The following ADAM32 variants were observed in gnomAD, a reference collection of about 807,000 sequenced individuals.
ADAM32 encodes disintegrin and metalloproteinase domain-containing protein 32.
In ADAM32, 89 loss-of-function variants were observed where a neutral mutation model predicts 114.9. The observed-to-expected ratio is 0.77, with a 90% CI of 0.65 to 0.92. The LOEUF is 0.92. Among genes scored for constraint, ADAM32 ranks in the 40% least tolerant of loss-of-function variants. The pLI, the probability that ADAM32 is intolerant of heterozygous loss-of-function variation, is 0.00. For synonymous variants in ADAM32, 285 were observed against 307.5 expected, an observed-to-expected ratio of 0.93 and a Z score of 0.77; for missense variants, 870 against 932.8, an observed-to-expected ratio of 0.93 and a Z score of 0.88.
chr8:39,210,822 T>G (rs1241478134), intron 11 of ADAM32, among the ~76,000 whole-genome samples: 2 of 152,202 alleles, frequency 1.3e-5, no homozygotes, highest in Non-Finnish European at 2.9e-5. Flanking sequence ...CTAATTTTTA[T>G]TTGAAGTGAT....
At chr8:39,216,782 A>G (rs774116275) in intron 12 of ADAM32, among the ~76,000 whole-genome samples, 1 of 151,338 alleles carries the variant, frequency 6.6e-6, no homozygotes, top group Non-Finnish European at 1.5e-5. Flanking sequence ...TGTTTTTTCT[A>G]TTTATATATA....
chr8:39,222,616 G>A (rs186141760), intron 13 of ADAM32, among the ~76,000 whole-genome samples: 1 of 152,160 alleles, frequency 6.6e-6, no homozygotes, highest in Non-Finnish European at 1.5e-5. Flanking sequence ...TCCCTCTGCA[G>A]TTTTTTATGT....
Position 39,223,164 on chromosome 8 carries a change from A to C in ADAM32, c.1451A>C (p.Lys484Thr). The C allele has an allele frequency of 6.2e-7, 1 of 1,601,160 alleles. No individual in the cohort carries two copies. Among genetic ancestry groups the C allele is most frequent in the South Asian group, 1.1e-5 (1 of 88,550 alleles). The change falls in exon 14 of 25, where the codon AAA becomes ACA. Residue 484 changes from lysine (K) to threonine (T), a missense_variant. By Grantham distance (78) the Lys-to-Thr change is moderately conservative (BLOSUM62 -1). Transcript: ENST00000379907. ...ACTTTAATCAATGGACTTTCATGCA[A>C]AAATAATAAGTTTATTTGTTATGAC... is the stretch of plus-strand genomic sequence containing the variant. The part of the protein sequence containing the change: ...DITLINGLSC[K>T]NNKFICYDGD...
intron 1 of ADAM32, among the ~76,000 whole-genome samples, chr8:39,109,575 A>C (rs1840069096): frequency 6.6e-6 from 1 of 152,196 alleles, no homozygotes; most frequent in South Asian, 2.1e-4. Flanking sequence ...AAAAATATTA[A>C]TGAACATTAT....
At chr8:39,210,560 C>A (rs1808139014) in intron 11 of ADAM32, among the ~76,000 whole-genome samples, 1 of 152,096 alleles carries the variant, frequency 6.6e-6, no homozygotes, top group African/African-American at 2.4e-5. Flanking sequence ...ATGTGCACAG[C>A]CAAATCAGTA....
intron 19 of ADAM32, among the ~76,000 whole-genome samples, chr8:39,261,213 C>G (rs966205400): frequency 3.9e-5 from 6 of 152,040 alleles, no homozygotes; most frequent in African/African-American, 1.4e-4. Flanking sequence ...TTTCCTTATC[C>G]CTCCCTTCCC....
At chr8:39,274,828 G>C (rs1383004596) in intron 21 of ADAM32, among the ~76,000 whole-genome samples, 1 of 152,186 alleles carries the variant, frequency 6.6e-6, no homozygotes, top group Non-Finnish European at 1.5e-5. Context: ...TGGTGATGCT[G>C]GTGTAAACAA....
chr8:39,147,470 A>G (rs949822252), intron 4 of ADAM32, among the ~76,000 whole-genome samples: 2 of 152,020 alleles, frequency 1.3e-5, no homozygotes, highest in African/African-American at 4.8e-5. Context: ...TGTTTGTAAG[A>G]ATATAAATTA....
intron 10 of ADAM32, among the ~76,000 whole-genome samples, chr8:39,180,405 C>A (rs1805789596): frequency 6.6e-6 from 1 of 152,256 alleles, no homozygotes; most frequent in South Asian, 2.1e-4. Flanking sequence ...CCCGCCTCAG[C>A]CTCCCCTGCC....
chr8:39,251,385 A>T (rs909699549), intron 17 of ADAM32, among the ~76,000 whole-genome samples: 4 of 151,684 alleles, frequency 2.6e-5, no homozygotes, highest in Admixed American at 6.6e-5. Flanking sequence ...TTACAAAAAA[A>T]AAATGGCTTT....
intron 19 of ADAM32, among the ~76,000 whole-genome samples, chr8:39,261,364 G>T (rs562179173): frequency 6.6e-6 from 1 of 152,230 alleles, no homozygotes; most frequent in African/African-American, 2.4e-5. Context: ...ACATACTTCA[G>T]TTGCATCTGT....
intron 1 of ADAM32, among the ~76,000 whole-genome samples, chr8:39,114,910 C>A (rs939291524): frequency 6.6e-6 from 1 of 152,146 alleles, no homozygotes; most frequent in African/African-American, 2.4e-5. Context: ...CTATTGTGCC[C>A]CTCTTTGCAT....
chr8:39,122,681 A>G (rs1302939754), intron 2 of ADAM32, among the ~76,000 whole-genome samples: 1 of 152,158 alleles, frequency 6.6e-6, no homozygotes, highest in East Asian at 1.9e-4. Context: ...GGTTCAAGCA[A>G]TTCTCATGCA....
chr8:39,128,622 T>G (rs1446450363), intron 2 of ADAM32, among the ~76,000 whole-genome samples: 2 of 152,214 alleles, frequency 1.3e-5, no homozygotes. Flanking sequence ...CACTGGTCTG[T>G]GTACTTCAGT....
chr8:39,259,841 A>G (rs1030057564), intron 19 of ADAM32, among the ~76,000 whole-genome samples: 25 of 152,210 alleles, frequency 1.6e-4, no homozygotes, highest in African/African-American at 5.3e-4. Context: ...TCCATTGATA[A>G]CATCTTACAT....
intron 17 of ADAM32, among the ~76,000 whole-genome samples, chr8:39,252,691 GA>G (rs1342711407): frequency 1.3e-5 from 2 of 151,166 alleles, no homozygotes; most frequent in African/African-American, 2.4e-5. Context: ...AAAATAGCAA[GA>G]AAAAAAGAAA....
intron 20 of ADAM32, 50 bp downstream of exon 20, chr8:39,270,964 T>A: frequency 6.6e-7 from 1 of 1,524,676 alleles, no homozygotes; most frequent in Non-Finnish European, 8.9e-7. Context: ...AATTAAGAGT[T>A]AATTGATAAT....
At chr8:39,213,050 A>T (rs1159114434) in intron 12 of ADAM32, among the ~76,000 whole-genome samples, 2 of 152,152 alleles carry the variant, frequency 1.3e-5, no homozygotes, top group Admixed American at 6.6e-5. Flanking sequence ...ACAAATAATA[A>T]TTGTGTATAT....
rs748243649 is a variant in ADAM32, at chr8:39,274,311, G to C, written c.2202-1G>C. 1.9e-5 allele frequency: 31 copies of C among 1,612,696 alleles called. No homozygotes were observed. Among genetic ancestry groups the C allele is most frequent in the South Asian group, 1.8e-4 (16 of 90,804 alleles). On this transcript the variant is annotated splice_acceptor_variant, in intron 20 of 24. Transcript: ENST00000379907. LOFTEE classifies it high-confidence loss of function. ...AGACATTGCTTTCAATTTTTTTTTA[G>C]ATCCAGCTCAGAAGGCAGCACTCAG...
Sources: allele counts gnomAD v4.1 joint callset (sites outside exome capture counted in the v4.1 genomes callset), GRCh38; gene constraint gnomAD v4.1.1; transcripts MANE v1.5; gene names NCBI Gene and HGNC (gene_info 2026-07-23, HGNC 2026-07-21).